Variants in PDE4B observed in about 807,000 individuals in gnomAD.
PDE4B encodes the protein phosphodiesterase 4B, also known as 3',5'-cyclic-AMP phosphodiesterase 4B.
PDE4B carries 20 observed loss-of-function variants against 82.2 expected under a neutral mutation model. The ratio of observed to expected loss-of-function variants is 0.24; its 90% CI spans 0.17 to 0.35. The LOEUF (loss-of-function observed/expected upper bound fraction) is 0.35. Ranked by LOEUF, PDE4B falls within the 10% of genes least tolerant of loss-of-function variation. The pLI, the probability that PDE4B is intolerant of heterozygous loss-of-function variation, is 1.00. For missense variants in PDE4B, 655 were observed against 907.2 expected (o/e 0.72, Z 3.57); for synonymous variants, 320 against 318.9 (o/e 1.00, Z -0.04).
At position 65,918,624 on chromosome 1, in the gene PDE4B, T is replaced by C. The variant is rs1399342509; in HGVS notation, c.70T>C (p.Leu24=). 1 of 1,608,292 alleles carries C rather than the reference T, an allele frequency of 6.2e-7. No individual in the cohort carries two copies. Among genetic ancestry groups the C allele is most frequent in the South Asian group, 1.1e-5 (1 of 90,962 alleles). Residue 24 remains leucine, a synonymous_variant, in exon 3 of 17, where the codon TTG becomes CTG. Transcript: ENST00000341517. Reference sequence around the variant, plus strand: ...TGTTAAAGATTATTTTGAATGTAGCTTGAGTAAATCCTACAGTTCTTCCAG... The same window carrying C: ...TGTTAAAGATTATTTTGAATGTAGCCTGAGTAAATCCTACAGTTCTTCCAG... The part of the protein sequence containing the change: ...DNVKDYFECS[L]SKSYSSSSNT...
At chr1:66,273,082 G>A (rs181252705) in intron 7 of PDE4B, among the ~76,000 whole-genome samples, 4 of 152,154 alleles carry the variant, frequency 2.6e-5, no homozygotes, top group African/African-American at 9.6e-5. Context: ...CCCCAGTTAT[G>A]GTTACATTAT....
At chr1:66,350,909 T>G (rs1661771723) in intron 8 of PDE4B, among the ~76,000 whole-genome samples, 5 of 152,254 alleles carry the variant, frequency 3.3e-5, no homozygotes, top group Admixed American at 3.3e-4. Context: ...CAAGTGTAAT[T>G]GAATTTTAGC....
chr1:66,372,631 A>G lies in PDE4B; in HGVS notation c.2164A>G (p.Thr722Ala), dbSNP rs114387631. 144 of 1,614,064 alleles carry G rather than the reference A, an allele frequency of 8.9e-5. No individual in the cohort carries two copies. The East Asian group carries it at 2.7e-3, about 30-fold the overall frequency. The change falls in exon 17 of 17, where the codon ACT (threonine) becomes GCT (alanine). Residue 722 changes from threonine (T) to alanine (A), a missense_variant. Thr to Ala is a moderately conservative substitution (Grantham distance 58). Coordinates refer to ENST00000341517, the MANE Select transcript of PDE4B (RefSeq NM_002600.4). ...DPENRDSLGETDIDIATEDKS... is the reference protein window; with the variant it reads ...DPENRDSLGEADIDIATEDKS... ...AGAAAACAGAGATTCCCTGGGAGAGACTGACATAGACATTGCAACAGAAGA... is the reference window on the plus strand; with the variant it reads ...AGAAAACAGAGATTCCCTGGGAGAGGCTGACATAGACATTGCAACAGAAGA...
chr1:66,278,507 G>A (rs1656056880), intron 7 of PDE4B, among the ~76,000 whole-genome samples: 1 of 152,320 alleles, frequency 6.6e-6, no homozygotes, highest in East Asian at 1.9e-4. Flanking sequence ...AACCTCCGGA[G>A]TTCTCCATTT....
chr1:66,326,807 A>G (rs1482498780), intron 7 of PDE4B, among the ~76,000 whole-genome samples: 1 of 152,196 alleles, frequency 6.6e-6, no homozygotes, highest in Non-Finnish European at 1.5e-5. Flanking sequence ...TTCAATTGCT[A>G]ATCATGTGTA....
rs766627917 is a variant in PDE4B, at chr1:65,887,186, T to TTTTCTTTCTTTCTTTC, written c.-70-26011_-70-25996dup. 2.0e-3 allele frequency among the ~76,000 whole-genome samples: 122 copies of TTTTCTTTCTTTCTTTC among 60,112 alleles called. 4 individuals are homozygous for TTTTCTTTCTTTCTTTC. The highest frequency in any genetic ancestry group is 0.013 in the Middle Eastern group (2 of 152). The allele number at this position is 60,112 out of a possible 152,430, so 39.4% of individuals were successfully genotyped here. A position where few individuals can be genotyped will look rare whatever the true frequency, so the allele number is the denominator to read the frequency against. ...TCCTTCCTTCCCTCCCTCCCTCCCT[T>TTTTCTTTCTTTCTTTC]TTTCTTTCTTTCTTTCTTTCTTTCT... On this transcript the variant is annotated intron_variant, in intron 1 of 16. Transcript: ENST00000341517.
intron 7 of PDE4B, among the ~76,000 whole-genome samples, chr1:66,270,592 A>G (rs760492410): frequency 6.6e-6 from 1 of 152,236 alleles, no homozygotes; most frequent in Non-Finnish European, 1.5e-5. Flanking sequence ...CAATAGCCTG[A>G]GAGCAGTGCT....
At chr1:66,302,766 A>AATCT (rs1348694730) in intron 7 of PDE4B, among the ~76,000 whole-genome samples, 2 of 152,186 alleles carry the variant, frequency 1.3e-5, no homozygotes, top group Non-Finnish European at 2.9e-5. Context: ...GATTGATTAG[A>AATCT]ATCTACTATA....
At chr1:65,823,493 T>C (rs1336905108) in intron 1 of PDE4B, among the ~76,000 whole-genome samples, 3 of 151,978 alleles carry the variant, frequency 2.0e-5, no homozygotes, top group Non-Finnish European at 4.4e-5. Context: ...CTTCTGTCCC[T>C]TCCTTATTGT....
chr1:65,846,156 G>A (rs190226342), intron 1 of PDE4B, among the ~76,000 whole-genome samples: 3 of 152,264 alleles, frequency 2.0e-5, no homozygotes, highest in African/African-American at 4.8e-5. Context: ...CACCCAGGAA[G>A]CATCCAATCA....
rs150444654 is a variant in PDE4B, at chr1:66,120,775, A to G, written c.282-126685A>G. Among the ~76,000 whole-genome samples the G allele has an allele frequency of 3.7e-3, 558 of 152,130 alleles. 3 individuals are homozygous for G. The highest frequency in any genetic ancestry group is 0.013 in the African/African-American group (527 of 41,494). ...CTCTATTTTTCCTTCACCAGCTCCA[A>G]TTCTGGCTTCTCTCATGAATGCTAT... is the stretch of plus-strand genomic sequence containing the variant. On this transcript the variant is annotated intron_variant, in intron 3 of 16. Coordinates refer to ENST00000341517, the MANE Select transcript of PDE4B (RefSeq NM_002600.4).
At chr1:65,911,561 T>C (rs938210793) in intron 1 of PDE4B, among the ~76,000 whole-genome samples, 4 of 152,110 alleles carry the variant, frequency 2.6e-5, no homozygotes, top group Non-Finnish European at 4.4e-5. Context: ...AGGCCCTCAA[T>C]ATTGACTATA....
chr1:66,133,085 T>C (rs762940434), intron 3 of PDE4B, among the ~76,000 whole-genome samples: 6 of 152,174 alleles, frequency 3.9e-5, no homozygotes, highest in Non-Finnish European at 7.3e-5. Flanking sequence ...CAATGTTGCA[T>C]TTTTAGGATT....
intron 1 of PDE4B, among the ~76,000 whole-genome samples, chr1:65,831,263 T>C (rs1017008461): frequency 2.0e-5 from 3 of 152,114 alleles, no homozygotes; most frequent in Non-Finnish European, 4.4e-5. Flanking sequence ...GCTGACTCTT[T>C]TAAAGGATCA....
At chr1:66,190,101 C>G (rs1349515893) in intron 3 of PDE4B, among the ~76,000 whole-genome samples, 1 of 152,174 alleles carries the variant, frequency 6.6e-6, no homozygotes, top group Non-Finnish European at 1.5e-5. Context: ...GAGGTCCACT[C>G]CAGACCCTGT....
intron 3 of PDE4B, among the ~76,000 whole-genome samples, chr1:66,018,673 G>T (rs574461672): frequency 3.9e-5 from 6 of 152,162 alleles, no homozygotes; most frequent in African/African-American, 1.4e-4. Context: ...TTTAAGGGTA[G>T]GATTTGGAAA....
intron 3 of PDE4B, among the ~76,000 whole-genome samples, chr1:65,924,469 T>C (rs1647395925): frequency 6.6e-6 from 1 of 152,218 alleles, no homozygotes; most frequent in Non-Finnish European, 1.5e-5. Flanking sequence ...AAGTTTGTAT[T>C]CATGTATTTA....
chr1:66,074,275 C>T (rs1656307102), intron 3 of PDE4B, among the ~76,000 whole-genome samples: 1 of 152,020 alleles, frequency 6.6e-6, no homozygotes, highest in South Asian at 2.1e-4. Context: ...TAATACCTTC[C>T]TTTTGTGAGG....
intron 13 of PDE4B, among the ~76,000 whole-genome samples, chr1:66,366,558 G>C (rs988087425): frequency 6.6e-6 from 1 of 152,176 alleles, no homozygotes; most frequent in East Asian, 1.9e-4. Flanking sequence ...TGCTGTAAAA[G>C]AGTCCTGATC....
Sources: allele counts gnomAD v4.1 joint callset (sites outside exome capture counted in the v4.1 genomes callset), GRCh38; gene constraint gnomAD v4.1.1; transcripts MANE v1.5; gene names NCBI Gene and HGNC (gene_info 2026-07-23, HGNC 2026-07-21).